NEURL1B: variants seen among roughly 807,000 people sequenced by gnomAD.
The protein encoded by NEURL1B is E3 ubiquitin-protein ligase NEURL1B.
A neutral mutation model predicts 37.4 loss-of-function variants in NEURL1B; 13 were observed. The observed-to-expected ratio is 0.35, with a 90% CI of 0.23 to 0.55. The LOEUF (loss-of-function observed/expected upper bound fraction) is 0.55, where lower values mean the gene tolerates loss of function less well. Ranked by LOEUF, NEURL1B falls within the 20% of genes least tolerant of loss-of-function variation. The pLI is 0.89. For synonymous variants in NEURL1B, 432 were observed against 426.6 expected (o/e 1.01, Z -0.16); for missense variants, 790 against 879.2 (o/e 0.90, Z 1.28).
At chr5:172,642,866 G>A (rs764742684) in intron 1 of NEURL1B, among the ~76,000 whole-genome samples, 6 of 152,234 alleles carry the variant, frequency 3.9e-5, no homozygotes, top group Non-Finnish European at 8.8e-5. Context: ...GAACCCACCC[G>A]CGGGTCAGGA....
rs960001935 is a variant in NEURL1B at position 172,684,051 on chromosome 5, G to A, written c.1210G>A (p.Gly404Ser). 3.8e-6 allele frequency: 5 copies of A among 1,330,188 alleles called. No homozygotes were observed. The South Asian group carries it at 5.3e-5, about 14-fold the overall frequency. The allele number at this position is 1,330,188 out of a possible 1,614,324, so 82.4% of individuals were successfully genotyped here. A position where few individuals can be genotyped will look rare whatever the true frequency, so the allele number is the denominator to read the frequency against. Residue 404 changes from glycine (G) to serine (S), a missense_variant, in exon 3 of 5, where the codon GGC becomes AGC. By Grantham distance (56) the Gly-to-Ser change is moderately conservative (BLOSUM62 0). Coordinates refer to ENST00000369800, the MANE Select transcript of NEURL1B (RefSeq NM_001142651.3). ...VLLGINGRPR[G>S]RLLCVDTTQA... Reference sequence around the variant, plus strand: ...CCTGGGCATCAACGGGCGTCCGCGCGGCCGCCTGCTGTGCGTCGACACCAC... The same window carrying A: ...CCTGGGCATCAACGGGCGTCCGCGCAGCCGCCTGCTGTGCGTCGACACCAC...
At chr5:172,668,232 C>CAGTGCCTGGCAT (rs1335136421) in intron 1 of NEURL1B, among the ~76,000 whole-genome samples, 14 of 152,214 alleles carry the variant, frequency 9.2e-5, no homozygotes, top group Non-Finnish European at 2.1e-4. Context: ...GCTGTATTCC[C>CAGTGCCTGGCAT]AGTGCCTGGC....
intron 3 of NEURL1B, among the ~76,000 whole-genome samples, chr5:172,685,204 T>C (rs1291660113): frequency 6.6e-6 from 1 of 152,210 alleles, no homozygotes; most frequent in Non-Finnish European, 1.5e-5. Flanking sequence ...TATAATGCCT[T>C]GAGCGGGGCC....
chr5:172,668,427 C>A (rs553564068), intron 1 of NEURL1B, among the ~76,000 whole-genome samples: 1 of 152,202 alleles, frequency 6.6e-6, no homozygotes, highest in Non-Finnish European at 1.5e-5. Flanking sequence ...TTCCTCCCCC[C>A]GTGACTGGGC....
intron 1 of NEURL1B, among the ~76,000 whole-genome samples, chr5:172,664,246 C>A (rs1019577641): frequency 6.6e-6 from 1 of 152,112 alleles, no homozygotes; most frequent in Non-Finnish European, 1.5e-5. Flanking sequence ...CTCAACGCTG[C>A]CCCCTTGCAG....
At position 172,691,473 on chromosome 5, in the gene NEURL1B, A is replaced by G. The variant is rs1271835764; in HGVS notation, c.*4548A>G. ...TGTGTGTTTTGATTTTTGTCTTTTT[A>G]TCTGTTTTATATTGACATAATTTTC... On this transcript the variant is annotated 3_prime_UTR_variant, in exon 5 of 5. Transcript: ENST00000369800. 6.6e-6 allele frequency: 1 copy of G among 150,756 alleles called. No homozygotes were observed. The highest frequency in any genetic ancestry group is 6.6e-5 in the Admixed American group (1 of 15,084). 9.3% of individuals were successfully genotyped at this position (150,756 alleles called of 1,614,324 possible).
rs555922513 is a variant in NEURL1B at position 172,641,446 on chromosome 5, G to A, written c.31+9G>A. The A allele has an allele frequency of 3.0e-6, 4 of 1,321,162 alleles. No homozygotes were observed. The highest frequency in any genetic ancestry group is 2.0e-5 in the South Asian group (1 of 51,068). 81.8% of individuals were successfully genotyped at this position (1,321,162 alleles called of 1,614,324 possible). ...GCACCGGACCCTGCCAGGTACGCCG[G>A]GGAGCCCTGCCCGGGAGGCGGGCGC... On this transcript the variant is annotated intron_variant, in intron 1 of 4. Transcript: ENST00000369800. The surrounding 1 kb of genome is among the most constrained non-coding windows in gnomAD (Gnocchi z 6.4).
At chr5:172,656,704 G>A (rs1041552211) in intron 1 of NEURL1B, 68 of 1,302,428 alleles carry the variant, frequency 5.2e-5, no homozygotes, top group South Asian at 6.1e-5. Flanking sequence ...CCACCTTCGC[G>A]GCCGGACATG....
At chr5:172,649,216 C>T (rs2113260818) in intron 1 of NEURL1B, among the ~76,000 whole-genome samples, 1 of 152,138 alleles carries the variant, frequency 6.6e-6, no homozygotes, top group East Asian at 1.9e-4. Context: ...TGACATGGTT[C>T]TTGCAGAGGC....
At position 172,686,666 on chromosome 5, in the gene NEURL1B, T is replaced by A; in HGVS notation, c.1424-15T>A. ...GAGACATTGTTAACATATGTCCTCT[T>A]CTCCCTTTCGGCAGTGACGGCCCCC... On this transcript the variant is annotated splice_polypyrimidine_tract_variant and intron_variant, in intron 4 of 4. Transcript: ENST00000369800. This position sits in a 1 kb window ranked among gnomAD's most constrained non-coding sequence, Gnocchi z 7.9. 1 of 1,546,658 alleles carries A rather than the reference T, an allele frequency of 6.5e-7. No homozygotes were observed. Among genetic ancestry groups the A allele is most frequent in the Non-Finnish European group, 8.7e-7 (1 of 1,143,510 alleles).
At position 172,683,849 on chromosome 5, in the gene NEURL1B, C is replaced by A; in HGVS notation, c.1008C>A (p.Gly336=). ...EVGRPGLAAP[G]ALAFGITSCD... is the part of the protein sequence containing the mutation. The stretch of plus-strand genomic sequence containing the variant: ...GCCGTCCGGGGCTGGCGGCGCCCGG[C>A]GCGCTGGCCTTCGGCATCACGTCGT... The change falls in exon 3 of 5, where the codon GGC becomes GGA. Residue 336 remains glycine, a synonymous_variant. Transcript: ENST00000369800. The surrounding 1 kb of genome is among the most constrained non-coding windows in gnomAD (Gnocchi z 5.6). 4 of 1,337,770 alleles carry A rather than the reference C, an allele frequency of 3.0e-6. No homozygotes were observed. The highest frequency in any genetic ancestry group is 3.8e-6 in the Non-Finnish European group (4 of 1,040,148). 82.9% of individuals were successfully genotyped at this position (1,337,770 alleles called of 1,614,324 possible).
chr5:172,651,025 G>A (rs1757653189), intron 1 of NEURL1B, among the ~76,000 whole-genome samples: 1 of 152,188 alleles, frequency 6.6e-6, no homozygotes. Context: ...CCTATGATCG[G>A]AATGAGTCAG....
Position 172,686,110 on chromosome 5 carries a change from AT to A in NEURL1B, c.1298-60del. 2 of 1,538,396 alleles carry A rather than the reference AT, an allele frequency of 1.3e-6. No homozygotes were observed. The highest frequency in any genetic ancestry group is 8.8e-7 in the Non-Finnish European group (1 of 1,139,792). On this transcript the variant is annotated intron_variant, in intron 3 of 4. Coordinates refer to ENST00000369800, the MANE Select transcript of NEURL1B (RefSeq NM_001142651.3). The surrounding 1 kb of genome is among the most constrained non-coding windows in gnomAD (Gnocchi z 7.9). ...CTAAGGTGCAAAGCAGTGAAGAACCATGGACTAGCAGGGCAGGTCCAACCTT... is the reference window on the plus strand; with the variant it reads ...CTAAGGTGCAAAGCAGTGAAGAACCAGGACTAGCAGGGCAGGTCCAACCTT...
intron 1 of NEURL1B, among the ~76,000 whole-genome samples, chr5:172,662,783 A>T (rs539634215): frequency 2.6e-5 from 4 of 152,302 alleles, no homozygotes; most frequent in African/African-American, 9.6e-5. Flanking sequence ...TGACAGCCAG[A>T]GTTCCCTCCT....
intron 1 of NEURL1B, among the ~76,000 whole-genome samples, chr5:172,655,628 G>C (rs754689465): frequency 6.6e-6 from 1 of 152,100 alleles, no homozygotes; most frequent in Non-Finnish European, 1.5e-5. Flanking sequence ...CACCAAGGAA[G>C]TATTTTACCG....
intron 1 of NEURL1B, among the ~76,000 whole-genome samples, chr5:172,668,690 A>G (rs1758060773): frequency 6.6e-6 from 1 of 152,160 alleles, no homozygotes; most frequent in African/African-American, 2.4e-5. Context: ...AGAATTTGCC[A>G]TGAAAATTGT....
chr5:172,648,672 T>C (rs973080901), intron 1 of NEURL1B, among the ~76,000 whole-genome samples: 41 of 152,386 alleles, frequency 2.7e-4, no homozygotes, highest in Admixed American at 1.3e-3. Flanking sequence ...CCATTTGCAC[T>C]GGAAGCCTTC....
intron 1 of NEURL1B, among the ~76,000 whole-genome samples, chr5:172,645,234 G>A (rs921638200): frequency 1.3e-4 from 20 of 152,152 alleles, no homozygotes; most frequent in Admixed American, 1.3e-3. Context: ...GGCTCAGAGA[G>A]GTCAAGGACA....
At chr5:172,658,475 A>G (rs1295187279) in intron 1 of NEURL1B, among the ~76,000 whole-genome samples, 4 of 152,126 alleles carry the variant, frequency 2.6e-5, no homozygotes, top group Admixed American at 6.5e-5. Context: ...ATCTCCAGAG[A>G]AGGACGAGAC....
Sources: allele counts gnomAD v4.1 joint callset (sites outside exome capture counted in the v4.1 genomes callset), GRCh38; gene constraint gnomAD v4.1.1; non-coding constraint Gnocchi (gnomAD v3.1); transcripts MANE v1.5; gene names NCBI Gene and HGNC (gene_info 2026-07-23, HGNC 2026-07-21).